The following CATSPERE variants were observed in gnomAD, a reference collection of about 807,000 sequenced individuals.
CATSPERE encodes cation channel sperm-associated auxiliary subunit epsilon.
Under a neutral mutation model 114.1 loss-of-function variants are expected in CATSPERE, and 93 were observed. The ratio of observed to expected loss-of-function variants is 0.81; its 90% CI spans 0.69 to 0.97. The LOEUF is 0.97. Ranked by LOEUF, CATSPERE falls within the 50% of genes least tolerant of loss-of-function variation. The pLI is 0.00. For missense variants in CATSPERE, 1,058 were observed against 1,131.6 expected (o/e 0.93, Z 0.93); for synonymous variants, 341 against 384.1 (o/e 0.89, Z 1.31).
At position 244,523,875 on chromosome 1, in the gene CATSPERE, G is replaced by A. The variant is rs985220976; in HGVS notation, c.536+5177G>A. ...ATGGAAGAACATTCCATGTTCATGG[G>A]TAGGAAGAATCAATATCGTGAAAAT... On this transcript the variant is annotated intron_variant, in intron 8 of 21. Transcript: ENST00000366534. 6.7e-5 allele frequency among the ~76,000 whole-genome samples: 10 copies of A among 148,974 alleles called. No individual in the cohort carries two copies. The East Asian group carries it at 1.9e-3, about 29-fold the overall frequency.
intron 7 of CATSPERE, among the ~76,000 whole-genome samples, chr1:244,508,153 G>GT (rs1207856298): frequency 6.6e-6 from 1 of 151,534 alleles, no homozygotes; most frequent in African/African-American, 2.4e-5. Context: ...TTTCCTCAGT[G>GT]TTTTATACTT....
At position 244,608,720 on chromosome 1, in the gene CATSPERE, C is replaced by T. The variant is rs139478814; in HGVS notation, c.2404-1520C>T. On this transcript the variant is annotated intron_variant, in intron 18 of 21. Coordinates refer to ENST00000366534, the MANE Select transcript of CATSPERE (RefSeq NM_001130957.2). Reference sequence around the variant, plus strand: ...TCTCCCTCTCTCTCACGTTTCCTCCCTTCCCTTCCTATGCAGCGTGAGCTC... The same window carrying T: ...TCTCCCTCTCTCTCACGTTTCCTCCTTTCCCTTCCTATGCAGCGTGAGCTC... Among the ~76,000 whole-genome samples the T allele has an allele frequency of 2.5e-3, 379 of 152,242 alleles. 5 individuals carry two copies. Among genetic ancestry groups the T allele is most frequent in the East Asian group, 0.014 (71 of 5,188 alleles).
intron 8 of CATSPERE, among the ~76,000 whole-genome samples, chr1:244,531,274 C>T (rs1428408983): frequency 6.7e-6 from 1 of 150,334 alleles, no homozygotes; most frequent in East Asian, 1.9e-4. Flanking sequence ...GTATCTTCTG[C>T]AAGCAAGGAT....
chr1:244,628,179 C>T (rs1218464709), intron 20 of CATSPERE, among the ~76,000 whole-genome samples: 1 of 152,114 alleles, frequency 6.6e-6, no homozygotes, highest in East Asian at 1.9e-4. Context: ...ACAAATTAAA[C>T]TTTATCATAG....
intron 8 of CATSPERE, among the ~76,000 whole-genome samples, chr1:244,546,468 A>G (rs1659767045): frequency 6.6e-6 from 1 of 152,236 alleles, no homozygotes; most frequent in East Asian, 1.9e-4. Context: ...CCCCAAATGG[A>G]CAAAATAAAG....
intron 8 of CATSPERE, among the ~76,000 whole-genome samples, chr1:244,546,961 A>G (rs1285047979): frequency 1.3e-5 from 2 of 152,160 alleles, no homozygotes; most frequent in Non-Finnish European, 2.9e-5. Flanking sequence ...AATTATAATT[A>G]TCCAGGTACA....
chr1:244,476,209 G>A (rs1278446142), intron 2 of CATSPERE, among the ~76,000 whole-genome samples: 1 of 152,112 alleles, frequency 6.6e-6, no homozygotes, highest in African/African-American at 2.4e-5. Flanking sequence ...GGACGCTGAG[G>A]TAGGAGGACT....
At chr1:244,588,766 A>AT (rs1572896676) in intron 14 of CATSPERE, among the ~76,000 whole-genome samples, 1 of 152,154 alleles carries the variant, frequency 6.6e-6, no homozygotes, top group Non-Finnish European at 1.5e-5. Flanking sequence ...TATTACTAGC[A>AT]TTTTTTCTCT....
chr1:244,566,359 G>C (rs1663494867), intron 10 of CATSPERE, among the ~76,000 whole-genome samples: 1 of 152,264 alleles, frequency 6.6e-6, no homozygotes, highest in South Asian at 2.1e-4. Flanking sequence ...CCAGGGCTGA[G>C]TTCAAGTCCT....
chr1:244,494,373 A>G (rs1479267722), intron 6 of CATSPERE, among the ~76,000 whole-genome samples: 3 of 145,950 alleles, frequency 2.1e-5, no homozygotes, highest in Non-Finnish European at 4.5e-5. Context: ...AACACCGCAT[A>G]TTCTCACTCA....
chr1:244,464,368 A>G (rs906278353), intron 2 of CATSPERE, among the ~76,000 whole-genome samples: 3 of 152,128 alleles, frequency 2.0e-5, no homozygotes, highest in Non-Finnish European at 4.4e-5. Flanking sequence ...AACACTTTCT[A>G]CTTCATTTCT....
At chr1:244,582,891 T>C (rs934023734) in intron 12 of CATSPERE, among the ~76,000 whole-genome samples, 6 of 44,206 alleles carry the variant, frequency 1.4e-4, no homozygotes, top group Admixed American at 1.4e-3. Context: ...TGGTAAGTGC[T>C]ATGAAGAAAA....
At chr1:244,570,645 A>C (rs1177384594) in intron 10 of CATSPERE, among the ~76,000 whole-genome samples, 2 of 152,264 alleles carry the variant, frequency 1.3e-5, no homozygotes, top group African/African-American at 4.8e-5. Flanking sequence ...ATTTAAAGCA[A>C]GGATGATTTA....
At position 244,617,524 on chromosome 1, in the gene CATSPERE, T is replaced by C; in HGVS notation, c.2491-5T>C. ...TTAAAATTTTTGTCTTTGTTTCTTG[T>C]TCAGAACTATAAACACTGTTTTTCT... is the stretch of plus-strand genomic sequence containing the variant. On this transcript the variant is annotated splice_region_variant and splice_polypyrimidine_tract_variant and intron_variant, in intron 19 of 21. Coordinates refer to ENST00000366534, the MANE Select transcript of CATSPERE (RefSeq NM_001130957.2). 1 of 1,494,452 alleles carries C rather than the reference T, an allele frequency of 6.7e-7. No homozygotes were observed. The highest frequency in any genetic ancestry group is 1.4e-5 in the South Asian group (1 of 73,966). The allele number at this position is 1,494,452 out of a possible 1,614,324, so 92.6% of individuals were successfully genotyped here. A position where few individuals can be genotyped will look rare whatever the true frequency, so the allele number is the denominator to read the frequency against.
chr1:244,583,946 G>A lies in CATSPERE; in HGVS notation c.2085+7G>A, dbSNP rs962510929. 15 of 1,613,306 alleles carry A rather than the reference G, an allele frequency of 9.3e-6. No homozygotes were observed. The East Asian group carries it at 2.0e-4, about 22-fold the overall frequency. On this transcript the variant is annotated splice_region_variant and intron_variant, in intron 13 of 21. Coordinates refer to ENST00000366534, the MANE Select transcript of CATSPERE (RefSeq NM_001130957.2). ...ATGTCCAATAGCCCAAAAGGTAAGCGACATGGGCTGAAGACCCAAATATTT... is the reference window on the plus strand; with the variant it reads ...ATGTCCAATAGCCCAAAAGGTAAGCAACATGGGCTGAAGACCCAAATATTT...
intron 8 of CATSPERE, among the ~76,000 whole-genome samples, chr1:244,540,440 C>G (rs1281204845): frequency 7.7e-6 from 1 of 130,382 alleles, no homozygotes; most frequent in Non-Finnish European, 1.6e-5. Flanking sequence ...AGGAATCCAA[C>G]TTACAAGGGA....
rs1376652125 is a variant in CATSPERE, at chr1:244,607,766, A to G, written c.2403+1972A>G. Among the ~76,000 whole-genome samples, 1 of 152,214 alleles carries G rather than the reference A, an allele frequency of 6.6e-6. No homozygotes were observed. Among genetic ancestry groups the G allele is most frequent in the African/African-American group, 2.4e-5 (1 of 41,454 alleles). On this transcript the variant is annotated intron_variant, in intron 18 of 21. Coordinates refer to ENST00000366534, the MANE Select transcript of CATSPERE (RefSeq NM_001130957.2). This position sits in a 1 kb window ranked among gnomAD's most constrained non-coding sequence, Gnocchi z 4.4. ...CTAATTCACTGCTTTGAGGAGAGGC[A>G]CCGTCAGAACCATCTAACCAGGGAC...
At chr1:244,464,543 A>C (rs965474596) in intron 2 of CATSPERE, among the ~76,000 whole-genome samples, 3 of 152,194 alleles carry the variant, frequency 2.0e-5, no homozygotes, top group Non-Finnish European at 4.4e-5. Flanking sequence ...TATGTAGCCA[A>C]ATAGAGTTGC....
At chr1:244,469,583 T>A (rs1369989204) in intron 2 of CATSPERE, among the ~76,000 whole-genome samples, 1 of 152,176 alleles carries the variant, frequency 6.6e-6, no homozygotes, top group African/African-American at 2.4e-5. Context: ...AAGGGGAAGA[T>A]AAACTATTTC....
Sources: allele counts gnomAD v4.1 joint callset (sites outside exome capture counted in the v4.1 genomes callset), GRCh38; gene constraint gnomAD v4.1.1; non-coding constraint Gnocchi (gnomAD v3.1); transcripts MANE v1.5; gene names NCBI Gene and HGNC (gene_info 2026-07-23, HGNC 2026-07-21).